The following ACBD5 variants were observed in gnomAD, a reference collection of about 807,000 sequenced individuals.
ACBD5 encodes the protein acyl-CoA binding domain containing 5.
In ACBD5, 40 loss-of-function variants were observed where a neutral mutation model predicts 71.8. That is an observed-to-expected ratio of 0.56 (90% CI 0.43 to 0.72). ACBD5 has a LOEUF of 0.72. Among genes scored for constraint, ACBD5 ranks in the 30% least tolerant of loss-of-function variants. The pLI, the probability that ACBD5 is intolerant of heterozygous loss-of-function variation, is 0.00. For missense variants in ACBD5, 559 were observed against 644.5 expected (o/e 0.87, Z 1.44); for synonymous variants, 229 against 218.6 (o/e 1.05, Z -0.42).
chr10:27,215,482 G>T, intron 8 of ACBD5, 53 bp downstream of exon 8: 1 of 1,263,328 alleles, frequency 7.9e-7, no homozygotes, highest in Non-Finnish European at 1.1e-6. Flanking sequence ...GTTACGCATT[G>T]AATTCTAATA....
intron 2 of ACBD5, among the ~76,000 whole-genome samples, chr10:27,238,890 T>C (rs2780665): frequency 0.78 from 118,064 of 152,182 alleles, 46,053 homozygotes; most frequent in African/African-American, 0.86. Context: ...GTAGCACCTA[T>C]AATTACTTTC....
In ACBD5 at chr10:27,196,224, A is replaced by T. The variant is rs1298257845; in HGVS notation, c.*1206T>A. 1 of 453,978 alleles carries T rather than the reference A, an allele frequency of 2.2e-6. No homozygotes were observed. The highest frequency in any genetic ancestry group is 4.4e-6 in the Non-Finnish European group (1 of 226,792). 28.1% of individuals were successfully genotyped at this position (453,978 alleles called of 1,614,324 possible). On this transcript the variant is annotated 3_prime_UTR_variant, in exon 13 of 13. Transcript: ENST00000396271. ...TAAAAAAAAAAATTATTTGTTACAA[A>T]GACTGCATCAAAGAAATCTTCAAAG...
At chr10:27,231,486 C>T (rs762481756) in intron 4 of ACBD5, among the ~76,000 whole-genome samples, 2 of 152,202 alleles carry the variant, frequency 1.3e-5, no homozygotes, top group Non-Finnish European at 2.9e-5. Context: ...CACTGCACTC[C>T]AGCCTGGGCT....
Position 27,205,258 on chromosome 10 carries a change from C to T in ACBD5, c.1405-10G>A. On this transcript the variant is annotated splice_polypyrimidine_tract_variant and intron_variant, in intron 10 of 12. Coordinates refer to ENST00000396271, the MANE Select transcript of ACBD5 (RefSeq NM_145698.5). ...ATGTTGATGATTTTGCCTGTAAATGCAAATGAAGGTGACTTAGCCTTGAAA... is the reference window on the plus strand; with the variant it reads ...ATGTTGATGATTTTGCCTGTAAATGTAAATGAAGGTGACTTAGCCTTGAAA... 3 of 1,610,748 alleles carry T rather than the reference C, an allele frequency of 1.9e-6. No individual in the cohort carries two copies. Among genetic ancestry groups the T allele is most frequent in the Non-Finnish European group, 2.5e-6 (3 of 1,178,114 alleles).
rs2065289852 is a variant in ACBD5, at chr10:27,240,160, G to A, written c.181+159C>T. Among the ~76,000 whole-genome samples, 1 of 152,172 alleles carries A rather than the reference G, an allele frequency of 6.6e-6. No individual in the cohort carries two copies. Among genetic ancestry groups the A allele is most frequent in the African/African-American group, 2.4e-5 (1 of 41,420 alleles). On this transcript the variant is annotated intron_variant, in intron 2 of 12. Coordinates refer to ENST00000396271, the MANE Select transcript of ACBD5 (RefSeq NM_145698.5). The surrounding 1 kb of genome is among the most constrained non-coding windows in gnomAD (Gnocchi z 4.1). ...TATTAGATTTTTCTCCGGTTTGGAA[G>A]ATCAAAAGGTAATTAATTCATATTC...
At chr10:27,228,791 TTATATATATA>T (rs1169917244) in intron 4 of ACBD5, among the ~76,000 whole-genome samples, 8 of 22,134 alleles carry the variant, frequency 3.6e-4, no homozygotes, top group African/African-American at 6.4e-4. Context: ...CCTATTATGT[TTATATATATA>T]TATATATATA....
At chr10:27,192,991 T>C (rs1033149889), downstream of ACBD5, among the ~76,000 whole-genome samples, 3 of 151,764 alleles carry the variant, frequency 2.0e-5, no homozygotes, top group Admixed American at 6.6e-5. Flanking sequence ...AAAAGTTCTC[T>C]TCAACACATG....
intron 4 of ACBD5, among the ~76,000 whole-genome samples, chr10:27,226,487 C>CAT (rs1461871785): frequency 1.4e-4 from 20 of 144,770 alleles, no homozygotes; most frequent in African/African-American, 4.6e-4. Flanking sequence ...CACACACACA[C>CAT]AAGCAGACAC....
intron 13 of ACBD5, chr10:27,186,666 A>G (rs2058771872): frequency 1.2e-6 from 1 of 861,752 alleles, no homozygotes; most frequent in Non-Finnish European, 1.9e-6. Flanking sequence ...CTTTTAATGT[A>G]CGTTACAGCT....
In ACBD5 at chr10:27,215,590, C is replaced by T. The variant is rs776218653; in HGVS notation, c.881G>A (p.Ser294Asn). 3.1e-6 allele frequency: 5 copies of T among 1,613,618 alleles called. 1 individual carries two copies. Among genetic ancestry groups the T allele is most frequent in the East Asian group, 4.5e-5 (2 of 44,828 alleles). The stretch of plus-strand genomic sequence containing the variant: ...ACAGTAAACTTCACTGTCTGAATCG[C>T]TTGTCAAATGCTGAATTCCTGTAAC... The part of the protein sequence containing the change: ...EDVTGIQHLT[S>N]DSDSEVYCDS... Residue 294 changes from serine to asparagine, a missense_variant, in exon 8 of 13, where the codon AGC becomes AAC. By Grantham distance (46) the Ser-to-Asn change is conservative. Transcript: ENST00000396271.
At chr10:27,194,590 C>T (rs143910325), downstream of ACBD5, among the ~76,000 whole-genome samples, 10,068 of 145,560 alleles carry the variant, frequency 0.069, 505 homozygotes, top group South Asian at 0.17. Flanking sequence ...CCAGCCTGGG[C>T]GGCAGAGCAA....
intron 12 of ACBD5, among the ~76,000 whole-genome samples, chr10:27,202,610 T>C (rs1256717129): frequency 1.5e-5 from 2 of 132,398 alleles, no homozygotes; most frequent in Admixed American, 7.0e-5. Context: ...TTTAATGAAG[T>C]AATAAGCTGC....
In ACBD5 at chr10:27,240,612, TC is replaced by T; in HGVS notation, c.15+61del. 1 of 1,550,092 alleles carries T rather than the reference TC, an allele frequency of 6.5e-7. No individual in the cohort carries two copies. The highest frequency in any genetic ancestry group is 1.2e-5 in the South Asian group (1 of 83,992). On this transcript the variant is annotated intron_variant, in intron 1 of 12. Transcript: ENST00000396271. The surrounding 1 kb of genome is among the most constrained non-coding windows in gnomAD (Gnocchi z 4.1). ...AGATCGAAGCGGCCCGGCTCCTTCC[TC>T]CTCCCCCGGGGCGTGACTAAGGCCA...
intron 8 of ACBD5, among the ~76,000 whole-genome samples, chr10:27,212,775 G>A (rs971990113): frequency 6.6e-6 from 1 of 152,022 alleles, no homozygotes; most frequent in African/African-American, 2.4e-5. Flanking sequence ...TCTGAAACTT[G>A]TGAGCTCAAG....
chr10:27,189,630 G>GAGT (rs2058985321), intron 13 of ACBD5, among the ~76,000 whole-genome samples: 1 of 137,684 alleles, frequency 7.3e-6, no homozygotes, highest in Non-Finnish European at 1.6e-5. Flanking sequence ...TGTGGGGTGG[G>GAGT]GGGGAGGGAT....
intron 9 of ACBD5, among the ~76,000 whole-genome samples, chr10:27,210,585 C>T (rs561149593): frequency 3.4e-4 from 52 of 152,228 alleles, no homozygotes; most frequent in Non-Finnish European, 7.2e-4. Context: ...TGGTAAAACC[C>T]CATCTCTACT....
chr10:27,228,876 C>T (rs2063496882), intron 4 of ACBD5, among the ~76,000 whole-genome samples: 1 of 129,852 alleles, frequency 7.7e-6, no homozygotes, highest in East Asian at 2.3e-4. Flanking sequence ...TGGAGTGCAG[C>T]GGCGCAATCT....
chr10:27,199,231 C>T (rs1242309236), intron 12 of ACBD5, among the ~76,000 whole-genome samples: 1 of 151,364 alleles, frequency 6.6e-6, no homozygotes, highest in Non-Finnish European at 1.5e-5. Flanking sequence ...CTCTGTCGCC[C>T]AGGCTGGAGT....
intron 12 of ACBD5, among the ~76,000 whole-genome samples, chr10:27,198,067 A>ACATTTTGATAT (rs1961633498): frequency 6.6e-6 from 1 of 152,250 alleles, no homozygotes; most frequent in South Asian, 2.1e-4. Context: ...AAAATGGAAA[A>ACATTTTGATAT]GTTATGAAAC....
Sources: allele counts gnomAD v4.1 joint callset (sites outside exome capture counted in the v4.1 genomes callset), GRCh38; gene constraint gnomAD v4.1.1; non-coding constraint Gnocchi (gnomAD v3.1); transcripts MANE v1.5; gene names NCBI Gene and HGNC (gene_info 2026-07-23, HGNC 2026-07-21).